SNTG1: variants seen among roughly 807,000 people sequenced by gnomAD.
The protein encoded by SNTG1 is gamma-1-syntrophin.
Under a neutral mutation model 74.7 loss-of-function variants are expected in SNTG1, and 39 were observed. That is an observed-to-expected ratio of 0.52 (90% CI 0.40 to 0.68). The LOEUF (loss-of-function observed/expected upper bound fraction) is 0.68. SNTG1 is among the 30% of genes least tolerant of loss of function. The pLI, the probability that SNTG1 is intolerant of heterozygous loss-of-function variation, is 0.00. For synonymous variants in SNTG1, 254 were observed against 217.1 expected, an observed-to-expected ratio of 1.17 and a Z score of -1.49; for missense variants, 685 against 609.5, an observed-to-expected ratio of 1.12 and a Z score of -1.30.
At chr8:50,763,304 C>A (rs1212959132) in intron 18 of SNTG1, among the ~76,000 whole-genome samples, 1 of 151,840 alleles carries the variant, frequency 6.6e-6, no homozygotes, top group East Asian at 2.0e-4. Flanking sequence ...CCTGAAGCCC[C>A]TGATACTCAG....
At chr8:50,375,852 A>G (rs1321726793) in intron 2 of SNTG1, among the ~76,000 whole-genome samples, 1 of 152,200 alleles carries the variant, frequency 6.6e-6, no homozygotes, top group African/African-American at 2.4e-5. Flanking sequence ...GTAGCTCTGC[A>G]AGGGGAGACT....
intron 14 of SNTG1, among the ~76,000 whole-genome samples, chr8:50,657,476 A>T (rs2392707): frequency 0.21 from 31,969 of 152,076 alleles, 3,721 homozygotes; most frequent in African/African-American, 0.3. Flanking sequence ...GGATCTTTTG[A>T]AAGTTCTTTT....
At chr8:50,495,631 T>C (rs1425976127) in intron 8 of SNTG1, among the ~76,000 whole-genome samples, 2 of 152,172 alleles carry the variant, frequency 1.3e-5, no homozygotes, top group African/African-American at 4.8e-5. Flanking sequence ...TGATTTACTT[T>C]CCAATCCAAC....
intron 1 of SNTG1, among the ~76,000 whole-genome samples, chr8:49,918,820 G>A (rs1415631331): frequency 6.6e-6 from 1 of 151,910 alleles, no homozygotes; most frequent in Non-Finnish European, 1.5e-5. Flanking sequence ...TTGCCTAATT[G>A]GTATTTGTAT....
At chr8:50,239,224 G>A (rs994483820) in intron 2 of SNTG1, among the ~76,000 whole-genome samples, 2 of 152,162 alleles carry the variant, frequency 1.3e-5, no homozygotes, top group African/African-American at 4.8e-5. Flanking sequence ...GAATAGCAAA[G>A]ACAGGGAATC....
intron 1 of SNTG1, among the ~76,000 whole-genome samples, chr8:49,989,685 A>C (rs896393281): frequency 6.6e-6 from 1 of 152,006 alleles, no homozygotes; most frequent in African/African-American, 2.4e-5. Context: ...AAATATAGAC[A>C]CAAAACTCCT....
In SNTG1 at chr8:50,004,045, T is replaced by C. The variant is rs373777101; in HGVS notation, c.-103+91814T>C. Among the ~76,000 whole-genome samples, 19 of 152,176 alleles carry C rather than the reference T, an allele frequency of 1.2e-4. 1 individual carries two copies. The highest frequency in any genetic ancestry group is 4.6e-4 in the African/African-American group (19 of 41,548). ...AGGGTGCAGAGTATGGCAGTATGAG[T>C]AGCATGTATATACGGGGATCAGGAA... On this transcript the variant is annotated intron_variant, in intron 1 of 18. Coordinates refer to ENST00000642720, the MANE Select transcript of SNTG1 (RefSeq NM_018967.5).
chr8:50,783,134 G>T (rs924643053), intron 18 of SNTG1, among the ~76,000 whole-genome samples: 1 of 152,262 alleles, frequency 6.6e-6, no homozygotes, highest in South Asian at 2.1e-4. Context: ...TAGGCTGCTC[G>T]GGGGTCAGGG....
intron 2 of SNTG1, among the ~76,000 whole-genome samples, chr8:50,389,902 A>G (rs1253056632): frequency 6.6e-6 from 1 of 152,186 alleles, no homozygotes; most frequent in Non-Finnish European, 1.5e-5. Context: ...GCATCTGTTC[A>G]TATCCTTCGC....
intron 1 of SNTG1, among the ~76,000 whole-genome samples, chr8:50,068,283 C>T (rs1295157990): frequency 1.3e-5 from 2 of 152,130 alleles, no homozygotes; most frequent in African/African-American, 4.8e-5. Context: ...CAGGCATTAT[C>T]CTCAGGCAGA....
intron 8 of SNTG1, among the ~76,000 whole-genome samples, chr8:50,478,314 A>G (rs1291052770): frequency 6.6e-6 from 1 of 152,186 alleles, no homozygotes; most frequent in African/African-American, 2.4e-5. Flanking sequence ...ATATATTTCT[A>G]TACTTGATGC....
At chr8:50,577,610 G>T (rs1465779120) in intron 12 of SNTG1, among the ~76,000 whole-genome samples, 1 of 151,916 alleles carries the variant, frequency 6.6e-6, no homozygotes, top group African/African-American at 2.4e-5. Context: ...TATACATTGA[G>T]ATTTGACATA....
chr8:50,417,664 A>G (rs1027097640), intron 4 of SNTG1, among the ~76,000 whole-genome samples: 1 of 152,086 alleles, frequency 6.6e-6, no homozygotes, highest in Non-Finnish European at 1.5e-5. Context: ...TGTCGTATCA[A>G]CTTCTCTCTC....
chr8:50,636,089 G>C (rs1225112224), intron 13 of SNTG1, among the ~76,000 whole-genome samples: 1 of 131,438 alleles, frequency 7.6e-6, no homozygotes, highest in Admixed American at 8.2e-5. Context: ...CCTGGAGCTA[G>C]GGCCTAGAAT....
intron 2 of SNTG1, among the ~76,000 whole-genome samples, chr8:50,360,537 A>T (rs2091928756): frequency 6.6e-6 from 1 of 152,144 alleles, no homozygotes; most frequent in Admixed American, 6.6e-5. Flanking sequence ...GAAATGTGTC[A>T]TTAGGGGATC....
At chr8:50,350,527 C>T (rs2091624369) in intron 2 of SNTG1, among the ~76,000 whole-genome samples, 1 of 151,104 alleles carries the variant, frequency 6.6e-6, no homozygotes, top group Non-Finnish European at 1.5e-5. Flanking sequence ...TGCACCAATC[C>T]ACACTCTATA....
chr8:50,532,432 C>T (rs1377978746), intron 10 of SNTG1, among the ~76,000 whole-genome samples: 1 of 152,156 alleles, frequency 6.6e-6, no homozygotes, highest in African/African-American at 2.4e-5. Context: ...TTAACTATAA[C>T]ATAAGCAGAA....
intron 15 of SNTG1, among the ~76,000 whole-genome samples, chr8:50,693,417 A>G (rs2095390879): frequency 6.6e-6 from 1 of 152,178 alleles, no homozygotes. Flanking sequence ...TAAGTTCTTT[A>G]AGAGTGTGTA....
At chr8:50,578,895 A>G (rs1156327410) in intron 12 of SNTG1, among the ~76,000 whole-genome samples, 1 of 152,170 alleles carries the variant, frequency 6.6e-6, no homozygotes, top group Non-Finnish European at 1.5e-5. Flanking sequence ...TAATATAGTA[A>G]ATTGGTTCAG....
Sources: allele counts gnomAD v4.1 joint callset (sites outside exome capture counted in the v4.1 genomes callset), GRCh38; gene constraint gnomAD v4.1.1; transcripts MANE v1.5; gene names NCBI Gene and HGNC (gene_info 2026-07-23, HGNC 2026-07-21).